EXOC4: variants seen among roughly 807,000 people sequenced by gnomAD.
EXOC4 encodes SEC8-like 1.
In EXOC4, 71 loss-of-function variants were observed where a neutral mutation model predicts 107.2. The ratio of observed to expected loss-of-function variants is 0.66; its 90% CI spans 0.55 to 0.81. The LOEUF is 0.81. Ranked by LOEUF, EXOC4 falls within the 30% of genes least tolerant of loss-of-function variation. The pLI, the probability that EXOC4 is intolerant of heterozygous loss-of-function variation, is 0.00. For missense variants in EXOC4, 1,108 were observed against 1,189.6 expected (o/e 0.93, Z 1.01); for synonymous variants, 456 against 441.2 (o/e 1.03, Z -0.42).
chr7:133,798,754 A>G (rs1419998824), intron 10 of EXOC4, among the ~76,000 whole-genome samples: 1 of 152,190 alleles, frequency 6.6e-6, no homozygotes, highest in Non-Finnish European at 1.5e-5. Flanking sequence ...AGTTCTTAAT[A>G]TGAGTGGCAC....
intron 7 of EXOC4, among the ~76,000 whole-genome samples, chr7:133,474,474 ATTT>A (rs34366230): frequency 7.1e-6 from 1 of 141,776 alleles, no homozygotes; most frequent in Non-Finnish European, 1.5e-5. Context: ...TGCCCAGCCA[ATTT>A]TTTTTTTTTT....
chr7:133,899,549 A>G (rs989441324), intron 12 of EXOC4, among the ~76,000 whole-genome samples: 1 of 152,150 alleles, frequency 6.6e-6, no homozygotes, highest in Admixed American at 6.5e-5. Flanking sequence ...CCTTTTATGA[A>G]TGCCCTTGAA....
At chr7:134,046,311 G>A (rs537488663) in intron 17 of EXOC4, among the ~76,000 whole-genome samples, 19 of 152,044 alleles carry the variant, frequency 1.2e-4, no homozygotes, top group Non-Finnish European at 2.2e-4. Flanking sequence ...GTGAAACCCC[G>A]TCTCTAATAA....
intron 9 of EXOC4, among the ~76,000 whole-genome samples, chr7:133,609,550 C>A (rs17167165): frequency 2.2e-4 from 33 of 151,978 alleles, no homozygotes; most frequent in Admixed American, 7.9e-4. Flanking sequence ...GAATATTTTC[C>A]ATCAACTGCA....
At chr7:133,490,456 G>T (rs556931268) in intron 9 of EXOC4, among the ~76,000 whole-genome samples, 1 of 152,262 alleles carries the variant, frequency 6.6e-6, no homozygotes, top group South Asian at 2.1e-4. Flanking sequence ...GGTTATAACA[G>T]ATGAAGAGAA....
At chr7:133,661,452 A>G (rs142720386) in intron 10 of EXOC4, among the ~76,000 whole-genome samples, 243 of 152,268 alleles carry the variant, frequency 1.6e-3, no homozygotes, top group African/African-American at 5.7e-3. Context: ...GCTACAAAGA[A>G]TACAGAAAAC....
At chr7:133,947,237 C>G (rs1186744313) in intron 14 of EXOC4, among the ~76,000 whole-genome samples, 1 of 152,196 alleles carries the variant, frequency 6.6e-6, no homozygotes, top group Non-Finnish European at 1.5e-5. Flanking sequence ...TTCTGGGCTT[C>G]CTACCATGAA....
chr7:133,369,392 G>A (rs962634495), intron 6 of EXOC4, among the ~76,000 whole-genome samples: 14 of 152,102 alleles, frequency 9.2e-5, no homozygotes, highest in Non-Finnish European at 1.9e-4. Flanking sequence ...CCACTACTGA[G>A]TTCCACTCAA....
At chr7:133,380,472 C>T (rs1796592751) in intron 7 of EXOC4, among the ~76,000 whole-genome samples, 1 of 152,088 alleles carries the variant, frequency 6.6e-6, no homozygotes, top group Middle Eastern at 3.4e-3. Flanking sequence ...ACATTTTCAT[C>T]TATGCCAAAA....
At chr7:133,371,131 T>C (rs1033231782) in intron 6 of EXOC4, among the ~76,000 whole-genome samples, 1 of 152,176 alleles carries the variant, frequency 6.6e-6, no homozygotes, top group African/African-American at 2.4e-5. Flanking sequence ...CTTTTTGAGA[T>C]GCCAGGTTTC....
chr7:133,807,429 A>G (rs1013808945), intron 10 of EXOC4, among the ~76,000 whole-genome samples: 1 of 152,220 alleles, frequency 6.6e-6, no homozygotes. Context: ...AATTTGCCAG[A>G]TTCTCCTGTG....
chr7:133,608,234 A>G (rs941661710), intron 9 of EXOC4, among the ~76,000 whole-genome samples: 5 of 152,138 alleles, frequency 3.3e-5, no homozygotes, highest in African/African-American at 1.2e-4. Context: ...CCTTGAAAAA[A>G]CAGGATGAGG....
At chr7:133,517,169 G>A (rs1218618914) in intron 9 of EXOC4, among the ~76,000 whole-genome samples, 1 of 152,082 alleles carries the variant, frequency 6.6e-6, no homozygotes, top group East Asian at 1.9e-4. Context: ...AGACATGTTT[G>A]AAACTGCATG....
intron 8 of EXOC4, among the ~76,000 whole-genome samples, chr7:133,477,912 G>T (rs1257436945): frequency 6.6e-6 from 1 of 152,162 alleles, no homozygotes; most frequent in Non-Finnish European, 1.5e-5. Flanking sequence ...CTCAGTGGTT[G>T]TCTTAAACTA....
At chr7:133,758,283 C>G (rs1795959319) in intron 10 of EXOC4, among the ~76,000 whole-genome samples, 1 of 152,084 alleles carries the variant, frequency 6.6e-6, no homozygotes, top group African/African-American at 2.4e-5. Context: ...TAGTTAGAGG[C>G]ACGTGCCACC....
At chr7:133,505,351 A>AT (rs368498119) in intron 9 of EXOC4, among the ~76,000 whole-genome samples, 26 of 151,578 alleles carry the variant, frequency 1.7e-4, no homozygotes, top group Non-Finnish European at 3.4e-4. Flanking sequence ...CTCTGAGCCC[A>AT]TTTTTTTCAA....
chr7:133,701,654 G>T (rs1479633976), intron 10 of EXOC4, among the ~76,000 whole-genome samples: 1 of 152,138 alleles, frequency 6.6e-6, no homozygotes, highest in Non-Finnish European at 1.5e-5. Flanking sequence ...AATGCAGGTT[G>T]AATATCCCTT....
chr7:133,442,496 T>G (rs1040795867), intron 7 of EXOC4, among the ~76,000 whole-genome samples: 1 of 152,146 alleles, frequency 6.6e-6, no homozygotes, highest in African/African-American at 2.4e-5. Flanking sequence ...TGGTATGCTG[T>G]GCTTAAGGAT....
chr7:134,045,655 C>T (rs956726748), intron 17 of EXOC4, among the ~76,000 whole-genome samples: 43 of 152,134 alleles, frequency 2.8e-4, no homozygotes, highest in African/African-American at 8.9e-4. Context: ...ACCCTTTTAA[C>T]GTATGCAATT....
Sources: gnomAD v4.1 joint callset for allele counts (sites outside exome capture counted in the v4.1 genomes callset) on GRCh38, gnomAD v4.1.1 for gene constraint, MANE v1.5 for transcripts, NCBI Gene and HGNC (gene_info 2026-07-23, HGNC 2026-07-21) for gene names.